Variants in CSTPP1 observed in about 807,000 individuals in gnomAD.
CSTPP1 encodes the protein UPF0705 protein C11orf49.
chr11:47,144,123 G>A, the CSTPP1 span, among the ~76,000 whole-genome samples: 1 of 152,152 alleles, frequency 6.6e-6, no homozygotes, highest in Admixed American at 6.5e-5. Context: ...CTCATAGGGT[G>A]TTTGTAAGAT....
chr11:47,053,185 A>G, the CSTPP1 span, among the ~76,000 whole-genome samples: 1 of 152,222 alleles, frequency 6.6e-6, no homozygotes, highest in Admixed American at 6.5e-5. Context: ...GGTAGAACAT[A>G]TGCTGAAGCA....
At chr11:46,943,677 T>C in the CSTPP1 span, among the ~76,000 whole-genome samples, 3 of 152,312 alleles carry the variant, frequency 2.0e-5, no homozygotes, top group East Asian at 5.8e-4. Flanking sequence ...CTGTATGACC[T>C]AGAAGAAATC....
chr11:46,955,348 T>G, the CSTPP1 span, among the ~76,000 whole-genome samples: 12 of 147,064 alleles, frequency 8.2e-5, no homozygotes, highest in African/African-American at 2.5e-4. Flanking sequence ...AGTAGTGTGG[T>G]TTTTTTTTTG....
At chr11:47,109,701 G>A in the CSTPP1 span, among the ~76,000 whole-genome samples, 1 of 152,164 alleles carries the variant, frequency 6.6e-6, no homozygotes, top group African/African-American at 2.4e-5. Context: ...GCAGCCTGGG[G>A]CAGCTTCCAC....
chr11:47,032,171 T>G, the CSTPP1 span, among the ~76,000 whole-genome samples: 1 of 152,248 alleles, frequency 6.6e-6, no homozygotes, highest in South Asian at 2.1e-4. Context: ...AGTTTGACAC[T>G]CAATATTAAC....
chr11:47,095,967 G>T, the CSTPP1 span, among the ~76,000 whole-genome samples: 1 of 152,038 alleles, frequency 6.6e-6, no homozygotes, highest in South Asian at 2.1e-4. Context: ...ACAACTAAGG[G>T]TACCCTATCT....
chr11:47,080,626 C>G, the CSTPP1 span, among the ~76,000 whole-genome samples: 1 of 151,980 alleles, frequency 6.6e-6, no homozygotes, highest in Non-Finnish European at 1.5e-5. Flanking sequence ...AGCTGGAAAG[C>G]CCAAGGTAAT....
chr11:47,150,927 T>C, the CSTPP1 span, among the ~76,000 whole-genome samples: 1 of 138,134 alleles, frequency 7.2e-6, no homozygotes, highest in African/African-American at 2.7e-5. Context: ...TGCTCTGTCA[T>C]CCAGGCTGGA....
chr11:47,157,933 G>C, the CSTPP1 span: 4 of 1,608,392 alleles, frequency 2.5e-6, no homozygotes, highest in Non-Finnish European at 3.4e-6. Context: ...GTAAGTCAGA[G>C]CTAAGCAGCC....
the CSTPP1 span, among the ~76,000 whole-genome samples, chr11:47,156,157 T>G: frequency 3.9e-5 from 6 of 152,340 alleles, no homozygotes; most frequent in Admixed American, 3.9e-4. Flanking sequence ...GCCCAAGGGC[T>G]GTACAGTTAG....
the CSTPP1 span, chr11:47,004,410 C>G: frequency 6.6e-6 from 1 of 151,850 alleles, no homozygotes; most frequent in African/African-American, 2.4e-5. Flanking sequence ...AACTCCTGGG[C>G]TCATGTTATG....
chr11:46,988,275 A>G, the CSTPP1 span, among the ~76,000 whole-genome samples: 1 of 152,220 alleles, frequency 6.6e-6, no homozygotes, highest in African/African-American at 2.4e-5. Flanking sequence ...TGTTTGTTAC[A>G]GCACTGTTTA....
chr11:46,939,082 C>CTTTT, the CSTPP1 span, among the ~76,000 whole-genome samples: 44 of 84,764 alleles, frequency 5.2e-4, no homozygotes, highest in East Asian at 7.9e-4. Context: ...TGGCTTACAT[C>CTTTT]TTTTTTTTTT....
the CSTPP1 span, among the ~76,000 whole-genome samples, chr11:46,958,749 T>C: frequency 2.2e-5 from 2 of 90,554 alleles, no homozygotes; most frequent in African/African-American, 5.2e-5. Flanking sequence ...TCTGAGTTCA[T>C]AGGCTTGAGA....
chr11:47,030,607 A>G, the CSTPP1 span, among the ~76,000 whole-genome samples: 2 of 152,036 alleles, frequency 1.3e-5, no homozygotes, highest in African/African-American at 4.8e-5. Context: ...GGTACAGATT[A>G]TTTCATCACT....
chr11:47,153,526 G>A, the CSTPP1 span, among the ~76,000 whole-genome samples: 3 of 152,226 alleles, frequency 2.0e-5, no homozygotes, highest in Admixed American at 6.5e-5. Flanking sequence ...GGCCTGTGGA[G>A]TCCAGCAAGC....
chr11:47,076,542 A>G, the CSTPP1 span, among the ~76,000 whole-genome samples: 1 of 152,152 alleles, frequency 6.6e-6, no homozygotes, highest in African/African-American at 2.4e-5. Flanking sequence ...CCAGAAGCCA[A>G]AACAAAACAA....
chr11:47,000,209 C>A, the CSTPP1 span, among the ~76,000 whole-genome samples: 1 of 152,050 alleles, frequency 6.6e-6, no homozygotes, highest in African/African-American at 2.4e-5. Context: ...AGAAAATGGG[C>A]GAGAGTAGCT....
At chr11:47,088,649 C>T in the CSTPP1 span, among the ~76,000 whole-genome samples, 57 of 152,104 alleles carry the variant, frequency 3.7e-4, no homozygotes, top group Non-Finnish European at 7.2e-4. Flanking sequence ...TGGGTTCAAG[C>T]GATTCTCCTG....
Sources: gnomAD v4.1 joint callset for allele counts (sites outside exome capture counted in the v4.1 genomes callset) on GRCh38, gnomAD v4.1.1 for gene constraint, MANE v1.5 for transcripts, NCBI Gene and HGNC (gene_info 2026-07-23, HGNC 2026-07-21) for gene names.